NIPAL2: variants seen among roughly 807,000 people sequenced by gnomAD.
NIPAL2 encodes NIPA like domain containing 2, also known as NIPA-like protein 2.
NIPAL2 carries 43 observed loss-of-function variants against 48.9 expected under a neutral mutation model. The observed-to-expected ratio is 0.88, with a 90% CI of 0.69 to 1.13. The LOEUF (loss-of-function observed/expected upper bound fraction) is 1.13. Ranked by LOEUF, NIPAL2 falls within the 50% of genes most tolerant of loss-of-function variation. The pLI, the probability that NIPAL2 is intolerant of heterozygous loss-of-function variation, is 0.00. For synonymous variants in NIPAL2, 167 were observed against 174.6 expected, an observed-to-expected ratio of 0.96 and a Z score of 0.34; for missense variants, 446 against 461.4, an observed-to-expected ratio of 0.97 and a Z score of 0.31.
chr8:98,198,256 C>G (rs1045383653), intron 8 of NIPAL2, among the ~76,000 whole-genome samples: 1 of 152,144 alleles, frequency 6.6e-6, no homozygotes, highest in Non-Finnish European at 1.5e-5. Context: ...CAGTAGGTCT[C>G]AACAGTGGGT....
chr8:98,288,302 G>T (rs1816298470), intron 1 of NIPAL2, among the ~76,000 whole-genome samples: 1 of 147,516 alleles, frequency 6.8e-6, no homozygotes, highest in Non-Finnish European at 1.5e-5. Flanking sequence ...TTGGTTTTTT[G>T]TTCTTGCGAT....
At chr8:98,291,447 C>T (rs1816484064) in intron 1 of NIPAL2, among the ~76,000 whole-genome samples, 1 of 152,192 alleles carries the variant, frequency 6.6e-6, no homozygotes. Flanking sequence ...CCTGATGGCC[C>T]AGCCAAATGC....
At chr8:98,284,970 G>A (rs1048313662) in intron 1 of NIPAL2, among the ~76,000 whole-genome samples, 3 of 152,118 alleles carry the variant, frequency 2.0e-5, no homozygotes, top group African/African-American at 4.8e-5. Context: ...ATAAGTAGAG[G>A]CCTTTCTAGA....
intron 1 of NIPAL2, among the ~76,000 whole-genome samples, chr8:98,254,923 AC>A (rs1813788663): frequency 6.6e-6 from 1 of 152,012 alleles, no homozygotes; most frequent in Admixed American, 6.6e-5. Context: ...TCTCCTTGAG[AC>A]CTCCTCAGAC....
intron 5 of NIPAL2, among the ~76,000 whole-genome samples, chr8:98,214,461 G>T (rs1204595476): frequency 6.6e-6 from 1 of 152,142 alleles, no homozygotes; most frequent in African/African-American, 2.4e-5. Context: ...ACCGCACCCG[G>T]CCCAGGCTAT....
At chr8:98,250,733 A>G (rs966875278) in intron 3 of NIPAL2, among the ~76,000 whole-genome samples, 2 of 152,200 alleles carry the variant, frequency 1.3e-5, no homozygotes, top group Admixed American at 6.5e-5. Flanking sequence ...TCAGAGTTTT[A>G]AGGTGGGTGG....
At chr8:98,288,219 T>A (rs1167849906) in intron 1 of NIPAL2, among the ~76,000 whole-genome samples, 1 of 123,908 alleles carries the variant, frequency 8.1e-6, no homozygotes, top group Non-Finnish European at 1.6e-5. Flanking sequence ...GTCCCCAGAG[T>A]GTGATATTCC....
At chr8:98,285,104 A>G (rs953521084) in intron 1 of NIPAL2, among the ~76,000 whole-genome samples, 1 of 152,204 alleles carries the variant, frequency 6.6e-6, no homozygotes, top group Non-Finnish European at 1.5e-5. Context: ...AGTACTGTTC[A>G]GGTCCCACCA....
intron 3 of NIPAL2, among the ~76,000 whole-genome samples, chr8:98,249,987 A>C (rs1203586703): frequency 1.3e-5 from 2 of 151,982 alleles, no homozygotes; most frequent in Non-Finnish European, 2.9e-5. Context: ...AATGGAGCGC[A>C]ATGTGTTGGT....
chr8:98,244,569 G>C (rs1465089165), intron 3 of NIPAL2, among the ~76,000 whole-genome samples: 1 of 102,194 alleles, frequency 9.8e-6, no homozygotes, highest in Non-Finnish European at 2.3e-5. Context: ...GATAAGGGGG[G>C]TGCGCTGTGG....
chr8:98,209,954 T>G (rs1473305667), intron 6 of NIPAL2, among the ~76,000 whole-genome samples: 2 of 152,066 alleles, frequency 1.3e-5, no homozygotes, highest in African/African-American at 4.8e-5. Flanking sequence ...CCATAGTTAT[T>G]TTCATTAAAA....
chr8:98,283,551 G>T (rs530640257), intron 1 of NIPAL2, among the ~76,000 whole-genome samples: 1 of 152,212 alleles, frequency 6.6e-6, no homozygotes, highest in Non-Finnish European at 1.5e-5. Context: ...TGTTTTACAA[G>T]AACATGTTTA....
intron 1 of NIPAL2, among the ~76,000 whole-genome samples, chr8:98,280,761 T>TATATATATATATATATATATATATAG: frequency 1.0e-4 from 3 of 30,024 alleles, no homozygotes; most frequent in Non-Finnish European, 2.0e-4. Context: ...TATATATATA[T>TATATATATATATATATATATATATAG]AGAGAGAGAG....
chr8:98,292,997 TAA>T (rs1394880438), intron 1 of NIPAL2, among the ~76,000 whole-genome samples: 2 of 152,184 alleles, frequency 1.3e-5, no homozygotes, highest in African/African-American at 4.8e-5. Context: ...TGAAAACTAA[TAA>T]AGTGAACATG....
chr8:98,220,346 C>A (rs1811793268), intron 5 of NIPAL2, among the ~76,000 whole-genome samples: 1 of 151,864 alleles, frequency 6.6e-6, no homozygotes, highest in African/African-American at 2.4e-5. Flanking sequence ...TGGCAGAAGG[C>A]TAGACCAGTT....
At chr8:98,287,110 A>G (rs1270648126) in intron 1 of NIPAL2, among the ~76,000 whole-genome samples, 4 of 152,202 alleles carry the variant, frequency 2.6e-5, no homozygotes, top group Non-Finnish European at 4.4e-5. Flanking sequence ...TTTCAGGAAA[A>G]AAAAACAAGC....
At chr8:98,232,420 G>A (rs1812481868) in intron 4 of NIPAL2, among the ~76,000 whole-genome samples, 1 of 152,184 alleles carries the variant, frequency 6.6e-6, no homozygotes, top group Non-Finnish European at 1.5e-5. Flanking sequence ...TTGCAAAAAT[G>A]TCCTAATCTA....
chr8:98,284,159 C>G lies in NIPAL2; in HGVS notation c.135+9844G>C, dbSNP rs373868060. Reference sequence around the variant, plus strand: ...GGTCAATGCTCATATGACACCCACACGATTCACTGATGGCAATTGTCATTT... The same window carrying G: ...GGTCAATGCTCATATGACACCCACAGGATTCACTGATGGCAATTGTCATTT... On this transcript the variant is annotated intron_variant, in intron 1 of 10. Transcript: ENST00000430223. Among the ~76,000 whole-genome samples, 14 of 152,252 alleles carry G rather than the reference C, an allele frequency of 9.2e-5. No homozygotes were observed. In the South Asian group the frequency reaches 2.9e-3, roughly 32 times the overall value.
intron 5 of NIPAL2, among the ~76,000 whole-genome samples, chr8:98,215,776 C>T (rs186208876): frequency 6.6e-6 from 1 of 152,130 alleles, no homozygotes; most frequent in Non-Finnish European, 1.5e-5. Context: ...TTTTCTGTAC[C>T]AGATCAGAGG....
Sources: allele counts gnomAD v4.1 joint callset (sites outside exome capture counted in the v4.1 genomes callset), GRCh38; gene constraint gnomAD v4.1.1; transcripts MANE v1.5; gene names NCBI Gene and HGNC (gene_info 2026-07-23, HGNC 2026-07-21).